Variants in SAXO5 observed in about 807,000 individuals in gnomAD.
SAXO5 encodes the protein testis expressed 45.
At chr19:7,505,992 G>A in the SAXO5 span, 1 of 1,591,802 alleles carries the variant, frequency 6.3e-7, no homozygotes, top group Non-Finnish European at 8.6e-7. Context: ...CCACCCAGCC[G>A]CCACGTGCCT....
chr19:7,501,465 G>A, the SAXO5 span: 1 of 1,380,270 alleles, frequency 7.2e-7, no homozygotes, highest in Non-Finnish European at 9.4e-7. Context: ...AGGGGCAAGG[G>A]CTCTTCATTC....
chr19:7,505,824 C>A, the SAXO5 span: 14 of 975,280 alleles, frequency 1.4e-5, no homozygotes, highest in Non-Finnish European at 2.1e-5. Flanking sequence ...GATAAGAGTA[C>A]CAACTCCCAG....
At chr19:7,501,368 C>G in the SAXO5 span, 1 of 1,513,438 alleles carries the variant, frequency 6.6e-7, no homozygotes, top group Non-Finnish European at 8.7e-7. Context: ...ACGACGCGCG[C>G]CCGCAGCCTC....
the SAXO5 span, chr19:7,501,513 G>A: frequency 1.6e-6 from 2 of 1,239,326 alleles, no homozygotes; most frequent in Non-Finnish European, 2.1e-6. Context: ...GTCTGGAAAC[G>A]CTTTTGGTGG....
At chr19:7,500,670 T>C in the SAXO5 span, 1 of 662,888 alleles carries the variant, frequency 1.5e-6, no homozygotes, top group African/African-American at 1.9e-5. Flanking sequence ...CAGTTTCCCG[T>C]GATGTCCCCA....
At chr19:7,504,976 CTTTTTTTTTTTCT>C in the SAXO5 span, among the ~76,000 whole-genome samples, 1 of 138,436 alleles carries the variant, frequency 7.2e-6, no homozygotes, top group Non-Finnish European at 1.6e-5. Context: ...TCTTCTTCTT[CTTTTTTTTTTTCT>C]TTTTTTTTTT....
chr19:7,506,044 G>A, the SAXO5 span: 11 of 1,613,842 alleles, frequency 6.8e-6, no homozygotes, highest in Non-Finnish European at 9.3e-6. Flanking sequence ...GGGAGCCAAA[G>A]CTACTCAAAC....
the SAXO5 span, chr19:7,501,393 C>T: frequency 9.4e-6 from 14 of 1,492,262 alleles, no homozygotes; most frequent in Non-Finnish European, 1.1e-5. Context: ...GCCCAGTTGC[C>T]ACCTCGGTGA....
the SAXO5 span, chr19:7,505,978 C>T: frequency 6.3e-7 from 1 of 1,586,022 alleles, no homozygotes; most frequent in South Asian, 1.1e-5. Context: ...CACCCCCGAC[C>T]CAGCCACCCA....
At chr19:7,503,682 A>G in the SAXO5 span, among the ~76,000 whole-genome samples, 2 of 152,082 alleles carry the variant, frequency 1.3e-5, no homozygotes, top group East Asian at 3.9e-4. Flanking sequence ...ATGGGGTTTC[A>G]CCGTATTGAT....
At chr19:7,505,769 A>T in the SAXO5 span, 2 of 948,528 alleles carry the variant, frequency 2.1e-6, no homozygotes, top group Non-Finnish European at 3.2e-6. Context: ...AGGGCGAGTC[A>T]CTTAACCACT....
At chr19:7,502,127 T>C in the SAXO5 span, among the ~76,000 whole-genome samples, 55 of 152,220 alleles carry the variant, frequency 3.6e-4, 1 homozygote, top group African/African-American at 1.0e-3. Context: ...ATATATTTTT[T>C]TGAGAAAGTG....
At chr19:7,505,381 C>T in the SAXO5 span, 4 of 1,614,208 alleles carry the variant, frequency 2.5e-6, no homozygotes, top group Admixed American at 1.7e-5. Flanking sequence ...GTCCTGGTGA[C>T]GGCCTCTTCC....
At chr19:7,505,830 C>CCCAG in the SAXO5 span, 1 of 985,942 alleles carries the variant, frequency 1.0e-6, no homozygotes, top group Non-Finnish European at 1.5e-6. Flanking sequence ...AGTACCAACT[C>CCCAG]CCAGTGCTAC....
At chr19:7,501,823 A>G in the SAXO5 span, among the ~76,000 whole-genome samples, 1 of 151,800 alleles carries the variant, frequency 6.6e-6, no homozygotes, top group Non-Finnish European at 1.5e-5. Flanking sequence ...TCCGTCTCAA[A>G]AAAAGGAAAG....
the SAXO5 span, chr19:7,499,737 TGAGGCAGAAGGGTTGCTTGAGCCCAGGAG>T: frequency 6.6e-6 from 1 of 152,150 alleles, no homozygotes; most frequent in Non-Finnish European, 1.5e-5. Context: ...TTTGGGAGGC[TGAGGCAGAAGGGTTGCTTGAGCCCAGGAG>T]TTTGAGACCA....
At chr19:7,507,251 G>A in the SAXO5 span, 1 of 928,370 alleles carries the variant, frequency 1.1e-6, no homozygotes, top group Non-Finnish European at 1.7e-6. Context: ...TGATCACCCA[G>A]GCTCGGGGGC....
the SAXO5 span, chr19:7,505,554 G>T: frequency 6.2e-7 from 1 of 1,614,094 alleles, no homozygotes; most frequent in Non-Finnish European, 8.5e-7. Context: ...CTCCGGAGTC[G>T]CACATCCTGA....
At chr19:7,505,628 T>C in the SAXO5 span, 1 of 1,613,706 alleles carries the variant, frequency 6.2e-7, no homozygotes, top group Non-Finnish European at 8.5e-7. Flanking sequence ...TACGGCCAGG[T>C]GAGCAGGAAG....
Sources: allele counts gnomAD v4.1 joint callset (sites outside exome capture counted in the v4.1 genomes callset), GRCh38; gene constraint gnomAD v4.1.1; transcripts MANE v1.5; gene names NCBI Gene and HGNC (gene_info 2026-07-23, HGNC 2026-07-21).